Variants in GABRB1 observed in about 807,000 individuals in gnomAD.
The protein encoded by GABRB1 is gamma-aminobutyric acid receptor subunit beta-1.
In GABRB1, 17 loss-of-function variants were observed where a neutral mutation model predicts 51.6. The ratio of observed to expected loss-of-function variants is 0.33; its 90% confidence interval spans 0.23 to 0.49. The LOEUF is 0.49. Among genes scored for constraint, GABRB1 ranks in the 20% least tolerant of loss-of-function variants. The pLI is 0.99. For missense variants in GABRB1, 410 were observed against 600.6 expected (o/e 0.68, Z 3.32); for synonymous variants, 247 against 218.9 (o/e 1.13, Z -1.14).
intron 3 of GABRB1, among the ~76,000 whole-genome samples, chr4:47,035,792 T>A (rs1357555529): frequency 6.6e-6 from 1 of 152,102 alleles, no homozygotes; most frequent in Non-Finnish European, 1.5e-5. Flanking sequence ...ACACAGACAG[T>A]AGTAGGCAAA....
intron 1 of GABRB1, among the ~76,000 whole-genome samples, chr4:46,996,945 C>G (rs2109423330): frequency 6.6e-6 from 1 of 152,192 alleles, no homozygotes; most frequent in East Asian, 1.9e-4. Flanking sequence ...GCTTTAAATT[C>G]TGAAGGCTTG....
At chr4:47,355,196 G>C (rs943033721) in intron 5 of GABRB1, among the ~76,000 whole-genome samples, 9 of 151,750 alleles carry the variant, frequency 5.9e-5, no homozygotes, top group Admixed American at 5.2e-4. Context: ...TGACCAGGCT[G>C]GTCTCAAACT....
chr4:47,144,990 G>T (rs1335869586), intron 3 of GABRB1, among the ~76,000 whole-genome samples: 1 of 151,838 alleles, frequency 6.6e-6, no homozygotes, highest in South Asian at 2.1e-4. Flanking sequence ...ATTTGGAGTG[G>T]GGATTGGGAA....
At chr4:47,028,708 T>A (rs193288806), upstream of GABRB1, among the ~76,000 whole-genome samples, 465 of 150,946 alleles carry the variant, frequency 3.1e-3, 1 homozygote, top group Non-Finnish European at 4.8e-3. Context: ...TTATTTTTGT[T>A]CTCTATTCTG....
At chr4:47,351,297 G>T (rs2109998694) in intron 5 of GABRB1, among the ~76,000 whole-genome samples, 1 of 152,204 alleles carries the variant, frequency 6.6e-6, no homozygotes, top group South Asian at 2.1e-4. Flanking sequence ...ATCCACATTA[G>T]GCCAAGTGTG....
intron 4 of GABRB1, among the ~76,000 whole-genome samples, chr4:47,300,029 G>A (rs1202943780): frequency 7.1e-6 from 1 of 140,976 alleles, no homozygotes; most frequent in Non-Finnish European, 1.5e-5. Flanking sequence ...TCATAGGTGG[G>A]AATTGAACAA....
At chr4:47,340,575 G>A (rs903876736) in intron 5 of GABRB1, among the ~76,000 whole-genome samples, 2 of 152,060 alleles carry the variant, frequency 1.3e-5, no homozygotes, top group South Asian at 2.1e-4. Context: ...TCTCTCACAT[G>A]GCAGAAGGGA....
intron 5 of GABRB1, among the ~76,000 whole-genome samples, chr4:47,330,207 C>T (rs149842176): frequency 0.011 from 1,694 of 152,210 alleles, 35 homozygotes; most frequent in African/African-American, 0.039. Flanking sequence ...TGACGCTCAC[C>T]CACGTTGTGG....
chr4:47,386,981 G>T (rs563873842), intron 5 of GABRB1, among the ~76,000 whole-genome samples: 14 of 152,274 alleles, frequency 9.2e-5, no homozygotes, highest in African/African-American at 7.2e-5. Context: ...ATAAATGATG[G>T]TGTCACCCCA....
At chr4:47,160,636 T>C (rs17550493) in intron 3 of GABRB1, among the ~76,000 whole-genome samples, 25,502 of 152,000 alleles carry the variant, frequency 0.17, 3,081 homozygotes, top group African/African-American at 0.34. Context: ...TTTCTCTTTA[T>C]GGCCTTCCCC....
chr4:47,248,991 G>T (rs569026832), intron 4 of GABRB1, among the ~76,000 whole-genome samples: 33 of 151,880 alleles, frequency 2.2e-4, no homozygotes, highest in African/African-American at 8.0e-4. Context: ...TATTTTGTTT[G>T]TTTGTTTCAA....
intron 3 of GABRB1, among the ~76,000 whole-genome samples, chr4:47,051,700 G>T (rs528719139): frequency 1.3e-5 from 2 of 152,260 alleles, no homozygotes; most frequent in South Asian, 4.2e-4. Flanking sequence ...AAGAGCCAAA[G>T]GCAACCAGGA....
intron 5 of GABRB1, among the ~76,000 whole-genome samples, chr4:47,384,782 G>A (rs1388708882): frequency 1.3e-5 from 2 of 152,086 alleles, no homozygotes; most frequent in African/African-American, 2.4e-5. Flanking sequence ...GAAAATAAAG[G>A]CATATTTGAC....
At chr4:47,409,465 C>T (rs1290076371) in intron 8 of GABRB1, among the ~76,000 whole-genome samples, 2 of 152,154 alleles carry the variant, frequency 1.3e-5, no homozygotes, top group Non-Finnish European at 2.9e-5. Context: ...CATCTCCAGC[C>T]AAACTTCTCT....
At chr4:47,257,932 A>T (rs1330784344) in intron 4 of GABRB1, among the ~76,000 whole-genome samples, 1 of 152,012 alleles carries the variant, frequency 6.6e-6, no homozygotes, top group Non-Finnish European at 1.5e-5. Flanking sequence ...ACCAATTAAA[A>T]GAGTATGGGG....
At chr4:47,112,735 G>C (rs1228839737) in intron 3 of GABRB1, among the ~76,000 whole-genome samples, 1 of 149,510 alleles carries the variant, frequency 6.7e-6, no homozygotes, top group Non-Finnish European at 1.5e-5. Context: ...GTCAAGCACT[G>C]TATTAAGCAC....
intron 4 of GABRB1, among the ~76,000 whole-genome samples, chr4:47,247,547 T>A (rs1463989595): frequency 6.6e-6 from 1 of 152,196 alleles, no homozygotes; most frequent in African/African-American, 2.4e-5. Flanking sequence ...TTTTTTCTAA[T>A]TCTATGAAGA....
intron 1 of GABRB1, among the ~76,000 whole-genome samples, chr4:46,994,988 C>T (rs972587029): frequency 2.6e-5 from 4 of 152,170 alleles, no homozygotes; most frequent in Non-Finnish European, 5.9e-5. Context: ...GTAGCTAGAG[C>T]TCCGTGCTCT....
At chr4:47,196,708 C>G (rs1046243069) in intron 4 of GABRB1, among the ~76,000 whole-genome samples, 1 of 152,128 alleles carries the variant, frequency 6.6e-6, no homozygotes, top group Non-Finnish European at 1.5e-5. Context: ...CCAAACAAAT[C>G]AAAGTCTGGG....
Sources: gnomAD v4.1 joint callset for allele counts (sites outside exome capture counted in the v4.1 genomes callset) on GRCh38, gnomAD v4.1.1 for gene constraint, MANE v1.5 for transcripts, NCBI Gene and HGNC (gene_info 2026-07-23, HGNC 2026-07-21) for gene names.